CAMTA1: variants seen among roughly 807,000 people sequenced by gnomAD.
CAMTA1 encodes calmodulin binding transcription activator 1.
A neutral mutation model predicts 170.9 loss-of-function variants in CAMTA1; 27 were observed. The observed-to-expected ratio is 0.16, with a 90% CI of 0.12 to 0.22. The LOEUF (loss-of-function observed/expected upper bound fraction) is 0.22. Ranked by LOEUF, CAMTA1 falls within the 10% of genes least tolerant of loss-of-function variation. CAMTA1 has a pLI of 1.00. For missense variants in CAMTA1, 1,619 were observed against 2,217.2 expected, an observed-to-expected ratio of 0.73 and a Z score of 5.42; for synonymous variants, 833 against 891.5, an observed-to-expected ratio of 0.93 and a Z score of 1.17.
intron 5 of CAMTA1, among the ~76,000 whole-genome samples, chr1:7,280,276 G>C (rs557740762): frequency 1.3e-5 from 2 of 152,056 alleles, no homozygotes; most frequent in African/African-American, 4.8e-5. Context: ...TCTGAATTGC[G>C]CCCACCAGGG....
chr1:6,989,212 G>T (rs1695906241), intron 3 of CAMTA1, among the ~76,000 whole-genome samples: 1 of 152,194 alleles, frequency 6.6e-6, no homozygotes, highest in Non-Finnish European at 1.5e-5. Flanking sequence ...ATGGAAGGGG[G>T]TTAGGGACGG....
At position 7,006,718 on chromosome 1, in the gene CAMTA1, A is replaced by C. The variant is rs142209023; in HGVS notation, c.235-84586A>C. Among the ~76,000 whole-genome samples the C allele has an allele frequency of 3.2e-3, 482 of 152,156 alleles. 4 individuals carry two copies. The highest frequency in any genetic ancestry group is 0.011 in the African/African-American group (460 of 41,500). ...CTTCCCGGAGGACTGTCCCCACCTG[A>C]CCGGTCACAGCTCACCCCAACCCAG... On this transcript the variant is annotated intron_variant, in intron 3 of 22. Transcript: ENST00000303635.
chr1:6,903,171 A>G (rs1406713071), intron 3 of CAMTA1, among the ~76,000 whole-genome samples: 1 of 152,250 alleles, frequency 6.6e-6, no homozygotes, highest in Non-Finnish European at 1.5e-5. Flanking sequence ...GACATACCCT[A>G]TGAATGCATT....
Position 7,661,671 on chromosome 1 carries a change from C to G in CAMTA1, c.665-55C>G, listed in dbSNP as rs979132451. On this transcript the variant is annotated intron_variant, in intron 7 of 22. Coordinates refer to ENST00000303635, the MANE Select transcript of CAMTA1 (RefSeq NM_015215.4). ...CTGGGTCCTACCCCTTGGCCCCACC[C>G]AGGTCCCCTCTGCACCCACGGGCTC... The G allele has an allele frequency of 3.7e-6, 6 of 1,604,542 alleles. No individual in the cohort carries two copies. The African/African-American group carries it at 8.0e-5, about 21-fold the overall frequency.
chr1:7,764,656 G>A (rs2097003578), intron 22 of CAMTA1, among the ~76,000 whole-genome samples: 1 of 152,094 alleles, frequency 6.6e-6, no homozygotes, highest in South Asian at 2.1e-4. Context: ...TTCTGCCTGA[G>A]TATTATCAGG....
chr1:7,597,577 T>C (rs902606021), intron 6 of CAMTA1, among the ~76,000 whole-genome samples: 1 of 151,862 alleles, frequency 6.6e-6, no homozygotes, highest in African/African-American at 2.4e-5. Context: ...TGTATATATA[T>C]GGAGAGAGAG....
chr1:7,284,129 C>CTTG (rs1671917801), intron 5 of CAMTA1, among the ~76,000 whole-genome samples: 1 of 45,304 alleles, frequency 2.2e-5, no homozygotes, highest in East Asian at 5.4e-4. Flanking sequence ...TGCTGCTGTT[C>CTTG]TTCTTCTTCT....
At chr1:7,446,330 T>C (rs551213518) in intron 5 of CAMTA1, among the ~76,000 whole-genome samples, 4 of 152,314 alleles carry the variant, frequency 2.6e-5, no homozygotes, top group South Asian at 4.1e-4. Flanking sequence ...TCATTAAATA[T>C]TCATCATCTC....
intron 4 of CAMTA1, among the ~76,000 whole-genome samples, chr1:7,230,495 T>C (rs1301671155): frequency 7.6e-6 from 1 of 131,462 alleles, no homozygotes; most frequent in Non-Finnish European, 1.5e-5. Flanking sequence ...TCCCGCCATC[T>C]GGAACATCCT....
At chr1:7,731,029 A>T (rs1181019264) in intron 11 of CAMTA1, among the ~76,000 whole-genome samples, 1 of 152,088 alleles carries the variant, frequency 6.6e-6, no homozygotes, top group Non-Finnish European at 1.5e-5. Context: ...TGATTTTAAC[A>T]TCGATTTAAC....
intron 1 of CAMTA1, among the ~76,000 whole-genome samples, chr1:6,793,086 A>G (rs1374838628): frequency 6.6e-6 from 1 of 152,092 alleles, no homozygotes; most frequent in Non-Finnish European, 1.5e-5. Context: ...TATCTTATAT[A>G]TATCTCCCCT....
At chr1:7,703,531 T>G (rs571546867) in intron 11 of CAMTA1, among the ~76,000 whole-genome samples, 11 of 152,082 alleles carry the variant, frequency 7.2e-5, no homozygotes, top group Non-Finnish European at 1.5e-4. Context: ...CGATTCCTCA[T>G]TGGGTGTACA....
chr1:7,702,441 G>A (rs762308790), intron 11 of CAMTA1, among the ~76,000 whole-genome samples: 2 of 152,184 alleles, frequency 1.3e-5, no homozygotes, highest in Non-Finnish European at 2.9e-5. Flanking sequence ...GCCTGAACTG[G>A]ATCCAAATCA....
At chr1:7,638,299 C>A (rs1405563786) in intron 6 of CAMTA1, among the ~76,000 whole-genome samples, 1 of 152,094 alleles carries the variant, frequency 6.6e-6, no homozygotes, top group African/African-American at 2.4e-5. Context: ...TCCATTGTTC[C>A]CTGCAGCGTC....
At chr1:7,586,230 G>A (rs886706971) in intron 6 of CAMTA1, among the ~76,000 whole-genome samples, 1 of 152,096 alleles carries the variant, frequency 6.6e-6, no homozygotes, top group Admixed American at 6.5e-5. Flanking sequence ...AGGGCCCAGC[G>A]GTGGGGATCC....
chr1:7,550,925 C>A (rs1200504560), intron 6 of CAMTA1, among the ~76,000 whole-genome samples: 1 of 151,910 alleles, frequency 6.6e-6, no homozygotes, highest in Non-Finnish European at 1.5e-5. Flanking sequence ...GCTCTCTCTG[C>A]CCCCTCCCCA....
At chr1:6,846,489 T>C (rs1658200072) in intron 3 of CAMTA1, among the ~76,000 whole-genome samples, 1 of 152,174 alleles carries the variant, frequency 6.6e-6, no homozygotes, top group South Asian at 2.1e-4. Flanking sequence ...AGTAAGGAAA[T>C]GGATATGAAG....
intron 5 of CAMTA1, among the ~76,000 whole-genome samples, chr1:7,399,670 G>C (rs2089734814): frequency 6.6e-6 from 1 of 152,212 alleles, no homozygotes; most frequent in Admixed American, 6.5e-5. Flanking sequence ...GTCTAGTGGT[G>C]ATGAATACCC....
At chr1:7,394,323 C>T (rs2149153746) in intron 5 of CAMTA1, among the ~76,000 whole-genome samples, 1 of 152,252 alleles carries the variant, frequency 6.6e-6, no homozygotes, top group East Asian at 1.9e-4. Context: ...GTATGAGATT[C>T]CCCCTTTCTC....
Sources: gnomAD v4.1 joint callset for allele counts (sites outside exome capture counted in the v4.1 genomes callset) on GRCh38, gnomAD v4.1.1 for gene constraint, MANE v1.5 for transcripts, NCBI Gene and HGNC (gene_info 2026-07-23, HGNC 2026-07-21) for gene names.